The following DTNB variants were observed in gnomAD, a reference collection of about 807,000 sequenced individuals.
The protein encoded by DTNB is DTN-B.
Under a neutral mutation model 90.7 loss-of-function variants are expected in DTNB, and 63 were observed. That is an observed-to-expected ratio of 0.69 (90% CI 0.57 to 0.86). The LOEUF (loss-of-function observed/expected upper bound fraction) is 0.86. Ranked by LOEUF, DTNB falls within the 40% of genes least tolerant of loss-of-function variation. The pLI is 0.00. For synonymous variants in DTNB, 277 were observed against 286.7 expected (o/e 0.97, Z 0.34); for missense variants, 744 against 807.1 (o/e 0.92, Z 0.95).
intron 8 of DTNB, among the ~76,000 whole-genome samples, chr2:25,574,560 C>T (rs2060374718): frequency 6.6e-6 from 1 of 152,164 alleles, no homozygotes. Context: ...CACACTTAAA[C>T]TCACGTATGA....
intron 5 of DTNB, among the ~76,000 whole-genome samples, chr2:25,602,025 G>A (rs993831673): frequency 6.6e-6 from 1 of 152,072 alleles, no homozygotes; most frequent in Non-Finnish European, 1.5e-5. Context: ...GGGAAGCTGA[G>A]GCAGGAGAAT....
intron 4 of DTNB, among the ~76,000 whole-genome samples, chr2:25,613,775 T>C (rs1033719430): frequency 6.6e-6 from 1 of 151,920 alleles, no homozygotes; most frequent in Non-Finnish European, 1.5e-5. Flanking sequence ...CTGGCCAACA[T>C]GGTGAAACCT....
chr2:25,546,147 C>G (rs1270928421), intron 8 of DTNB, among the ~76,000 whole-genome samples: 1 of 152,162 alleles, frequency 6.6e-6, no homozygotes, highest in Non-Finnish European at 1.5e-5. Flanking sequence ...ATCAACCAAT[C>G]AGAACTCAGC....
intron 8 of DTNB, among the ~76,000 whole-genome samples, chr2:25,555,123 T>C (rs1044566500): frequency 6.6e-6 from 1 of 151,734 alleles, no homozygotes; most frequent in Non-Finnish European, 1.5e-5. Flanking sequence ...GATGAAACCC[T>C]GTCTCTACTA....
intron 11 of DTNB, among the ~76,000 whole-genome samples, chr2:25,453,874 G>A (rs1374753860): frequency 2.0e-5 from 3 of 152,162 alleles, no homozygotes; most frequent in Admixed American, 6.5e-5. Flanking sequence ...TCAGCCGGGC[G>A]TAGTGGCTCA....
At chr2:25,432,802 T>C (rs922678678) in intron 14 of DTNB, 84 bp downstream of exon 14, 28 of 1,374,704 alleles carry the variant, frequency 2.0e-5, no homozygotes, top group Non-Finnish European at 2.8e-5. Context: ...GAACAACAGA[T>C]TCTACCCCAC....
chr2:25,589,411 C>T (rs1454255371), intron 6 of DTNB, among the ~76,000 whole-genome samples: 1 of 99,482 alleles, frequency 1.0e-5, no homozygotes, highest in African/African-American at 4.0e-5. Flanking sequence ...GATGGAGTCT[C>T]ACTCTGTCGC....
intron 10 of DTNB, among the ~76,000 whole-genome samples, chr2:25,459,700 G>A (rs1047381439): frequency 4.6e-5 from 7 of 152,074 alleles, no homozygotes; most frequent in Non-Finnish European, 7.4e-5. Context: ...TGCCATGGTG[G>A]CCAGGATGGT....
At chr2:25,531,184 AC>A (rs2078099783) in intron 9 of DTNB, among the ~76,000 whole-genome samples, 1 of 152,228 alleles carries the variant, frequency 6.6e-6, no homozygotes, top group South Asian at 2.1e-4. Flanking sequence ...ACCCAAAATC[AC>A]AAAAGGCAGC....
intron 8 of DTNB, among the ~76,000 whole-genome samples, chr2:25,565,058 T>C (rs2058811544): frequency 6.6e-6 from 1 of 152,158 alleles, no homozygotes; most frequent in Non-Finnish European, 1.5e-5. Flanking sequence ...TGAAGAGAGG[T>C]AGTTTTACTT....
chr2:25,386,146 G>A (rs537202420), intron 18 of DTNB: 17 of 981,992 alleles, frequency 1.7e-5, no homozygotes, highest in Middle Eastern at 5.2e-4. Flanking sequence ...TCAAACAAGA[G>A]AGGCAGCGTC....
Position 25,388,209 on chromosome 2 carries a change from GA to G in DTNB, c.1727del (p.Phe576SerfsTer28). On this transcript the variant is annotated frameshift_variant, in exon 17 of 21. Transcript: ENST00000406818. LOFTEE classifies it high-confidence loss of function. ...TCTGCTCCAGAAACTCACCTTGTGC[GA>G]AGGCCTCCTGCACGTCTCCCCCGAC... ...SGVGGDVQEA[F>X]AQGTRRNLRN... 2 of 1,571,468 alleles carry G rather than the reference GA, an allele frequency of 1.3e-6. No individual in the cohort carries two copies. Among genetic ancestry groups the G allele is most frequent in the Non-Finnish European group, 1.7e-6 (2 of 1,159,096 alleles).
chr2:25,388,196 AC>A lies in DTNB; in HGVS notation c.1735+5del, dbSNP rs758771706. The A allele has an allele frequency of 6.4e-7, 1 of 1,561,290 alleles. No homozygotes were observed. The highest frequency in any genetic ancestry group is 1.2e-5 in the South Asian group (1 of 85,032). On this transcript the variant is annotated splice_donor_5th_base_variant and intron_variant, in intron 17 of 20. Transcript: ENST00000406818. ...CTCCCCGCTGAACTCTGCTCCAGAAACTCACCTTGTGCGAAGGCCTCCTGCA... is the reference window on the plus strand; with the variant it reads ...CTCCCCGCTGAACTCTGCTCCAGAAATCACCTTGTGCGAAGGCCTCCTGCA...
intron 3 of DTNB, among the ~76,000 whole-genome samples, chr2:25,630,748 G>C (rs2075490305): frequency 6.7e-6 from 1 of 150,054 alleles, no homozygotes; most frequent in African/African-American, 2.5e-5. Flanking sequence ...GGAGGCTGAG[G>C]CAGGAAAATC....
chr2:25,628,595 A>G (rs1319846315), intron 3 of DTNB, among the ~76,000 whole-genome samples: 1 of 152,206 alleles, frequency 6.6e-6, no homozygotes, highest in Non-Finnish European at 1.5e-5. Context: ...GACTACTTCC[A>G]GCCTTCACAT....
At chr2:25,596,691 G>A (rs181596929) in intron 5 of DTNB, among the ~76,000 whole-genome samples, 1 of 152,186 alleles carries the variant, frequency 6.6e-6, no homozygotes, top group East Asian at 1.9e-4. Flanking sequence ...TATTATACTT[G>A]TATATTCTAT....
At chr2:25,515,837 A>G (rs1017422194) in intron 9 of DTNB, among the ~76,000 whole-genome samples, 2 of 152,062 alleles carry the variant, frequency 1.3e-5, no homozygotes, top group Admixed American at 6.6e-5. Flanking sequence ...TCGGCCTCCC[A>G]AAGTGCTGGG....
intron 11 of DTNB, among the ~76,000 whole-genome samples, chr2:25,454,574 C>A (rs144248584): frequency 2.0e-4 from 31 of 152,290 alleles, no homozygotes; most frequent in African/African-American, 7.5e-4. Flanking sequence ...TACCTGTCAT[C>A]CTACTTGAAG....
chr2:25,488,758 T>C (rs1475589429), intron 9 of DTNB, among the ~76,000 whole-genome samples: 3 of 152,180 alleles, frequency 2.0e-5, no homozygotes, highest in African/African-American at 4.8e-5. Flanking sequence ...GTTCAAGCGA[T>C]TCCCCCCTCA....
Sources: allele counts gnomAD v4.1 joint callset (sites outside exome capture counted in the v4.1 genomes callset), GRCh38; gene constraint gnomAD v4.1.1; transcripts MANE v1.5; gene names NCBI Gene and HGNC (gene_info 2026-07-23, HGNC 2026-07-21).